Variants in SMYD3 observed in about 807,000 individuals in gnomAD.
SMYD3 encodes the protein histone-lysine N-methyltransferase SMYD3.
In SMYD3, 36 loss-of-function variants were observed where a neutral mutation model predicts 57.7. The ratio of observed to expected loss-of-function variants is 0.62; its 90% confidence interval spans 0.48 to 0.82. The LOEUF (loss-of-function observed/expected upper bound fraction) is 0.82, where lower values mean the gene tolerates loss of function less well. SMYD3 is among the 40% of genes least tolerant of loss of function. SMYD3 has a pLI of 0.00. For missense variants in SMYD3, 515 were observed against 538.8 expected (o/e 0.96, Z 0.44); for synonymous variants, 211 against 195.0 (o/e 1.08, Z -0.68).
chr1:246,241,555 T>G (rs1378337933), intron 5 of SMYD3, among the ~76,000 whole-genome samples: 1 of 152,174 alleles, frequency 6.6e-6, no homozygotes, highest in Non-Finnish European at 1.5e-5. Flanking sequence ...AAAATTATCT[T>G]TTTTTTGTTG....
In SMYD3 at chr1:245,955,917, T is replaced by C. The variant is rs759604088; in HGVS notation, c.532-25980A>G. 5.0e-5 allele frequency: 49 copies of C among 979,592 alleles called. No individual in the cohort carries two copies. The South Asian group carries it at 1.7e-3, about 34-fold the overall frequency. 60.7% of individuals were successfully genotyped at this position (979,592 alleles called of 1,614,324 possible). A position where few individuals can be genotyped will look rare whatever the true frequency, so the allele number is the denominator to read the frequency against. ...GCTCAACATTATATCCTAAGATTCA[T>C]TTATGTTGATGCATGTTGCTATAGT... On this transcript the variant is annotated intron_variant, in intron 5 of 11. Coordinates refer to ENST00000490107, the MANE Select transcript of SMYD3 (RefSeq NM_001167740.2).
Position 246,020,367 on chromosome 1 carries a change from T to G in SMYD3, c.532-90430A>C, listed in dbSNP as rs144578206. Among the ~76,000 whole-genome samples the G allele has an allele frequency of 5.2e-3, 794 of 152,350 alleles. 3 individuals carry two copies. The highest frequency in any genetic ancestry group is 8.2e-3 in the African/African-American group (343 of 41,580). ...GCTTCTTGTGGTCTTGATTTCCTAA[T>G]GAGCTATGGGAAATTACATAATGAA... On this transcript the variant is annotated intron_variant, in intron 5 of 11. Coordinates refer to ENST00000490107, the MANE Select transcript of SMYD3 (RefSeq NM_001167740.2).
chr1:246,363,517 T>C (rs1418382543), intron 1 of SMYD3, among the ~76,000 whole-genome samples: 1 of 152,190 alleles, frequency 6.6e-6, no homozygotes, highest in Non-Finnish European at 1.5e-5. Context: ...AATCGGATGG[T>C]TGCCGTGTCT....
chr1:245,783,034 A>C (rs1480910770), intron 10 of SMYD3, among the ~76,000 whole-genome samples: 2 of 152,234 alleles, frequency 1.3e-5, no homozygotes, highest in Admixed American at 1.3e-4. Flanking sequence ...AGACATACGC[A>C]GTCATTTTGG....
In SMYD3 at chr1:246,362,651, C is replaced by T. The variant is rs546694058; in HGVS notation, c.165-7557G>A. ...GGTTTTCGTATTTTTTTGGTGGAGA[C>T]GGGGTTTCGCTGTGTTGGCCGGGCT... On this transcript the variant is annotated intron_variant, in intron 1 of 11. Transcript: ENST00000490107. Among the ~76,000 whole-genome samples, 395 of 152,358 alleles carry T rather than the reference C, an allele frequency of 2.6e-3. 1 individual carries two copies. Among genetic ancestry groups the T allele is most frequent in the Admixed American group, 5.0e-3 (76 of 15,306 alleles).
chr1:246,172,631 T>G (rs984983256), intron 5 of SMYD3, among the ~76,000 whole-genome samples: 41 of 147,112 alleles, frequency 2.8e-4, no homozygotes, highest in African/African-American at 9.4e-4. Flanking sequence ...TACACAGGCC[T>G]AGAACACTCA....
chr1:246,054,719 T>A (rs945969487), intron 5 of SMYD3, among the ~76,000 whole-genome samples: 1 of 151,086 alleles, frequency 6.6e-6, no homozygotes, highest in Non-Finnish European at 1.5e-5. Flanking sequence ...TGGGGGTGGG[T>A]GAGGGATAGA....
intron 1 of SMYD3, among the ~76,000 whole-genome samples, chr1:246,444,292 A>AT (rs1227459182): frequency 6.6e-6 from 1 of 151,882 alleles, no homozygotes; most frequent in Non-Finnish European, 1.5e-5. Context: ...CGCCTGGCTA[A>AT]TTTTTGTATT....
chr1:245,876,457 A>G (rs966461901), intron 8 of SMYD3, among the ~76,000 whole-genome samples: 75 of 152,090 alleles, frequency 4.9e-4, no homozygotes, highest in Admixed American at 1.6e-3. Context: ...ATTGCTCCGA[A>G]TCTCTGCGAT....
At chr1:245,947,150 A>G (rs920974130) in intron 5 of SMYD3, among the ~76,000 whole-genome samples, 2 of 152,180 alleles carry the variant, frequency 1.3e-5, no homozygotes. Context: ...TGGCCTTTGA[A>G]TTTTCCACTC....
At chr1:246,255,932 A>ACG (rs1558353877) in intron 5 of SMYD3, among the ~76,000 whole-genome samples, 1 of 37,548 alleles carries the variant, frequency 2.7e-5, no homozygotes, top group East Asian at 2.0e-3. Flanking sequence ...CTAATAAGAT[A>ACG]GATAGATAGA....
chr1:245,797,670 A>T (rs922172484), intron 10 of SMYD3, among the ~76,000 whole-genome samples: 4 of 152,006 alleles, frequency 2.6e-5, no homozygotes, highest in African/African-American at 9.7e-5. Context: ...AACTTAAAGT[A>T]TAATTATATA....
chr1:245,949,669 C>T (rs112939056), intron 5 of SMYD3, among the ~76,000 whole-genome samples: 2,204 of 152,094 alleles, frequency 0.014, 56 homozygotes, highest in African/African-American at 0.051. Flanking sequence ...ATTAGCCAGG[C>T]GTGGTGGCAC....
intron 5 of SMYD3, among the ~76,000 whole-genome samples, chr1:246,256,253 G>A (rs2063892018): frequency 6.6e-6 from 1 of 152,070 alleles, no homozygotes; most frequent in African/African-American, 2.4e-5. Flanking sequence ...TATATTCCCT[G>A]AGAGCTGATT....
At chr1:245,884,933 C>T (rs11586340) in intron 8 of SMYD3, among the ~76,000 whole-genome samples, 60,718 of 151,722 alleles carry the variant, frequency 0.4, 15,368 homozygotes, top group East Asian at 0.76. Context: ...TCCCCTTCCA[C>T]GCTGTGGAAG....
chr1:246,227,402 T>G (rs576586977), intron 5 of SMYD3, among the ~76,000 whole-genome samples: 4 of 151,968 alleles, frequency 2.6e-5, no homozygotes, highest in Non-Finnish European at 5.9e-5. Context: ...AATCAAGAGG[T>G]CAAGAGATCG....
intron 1 of SMYD3, among the ~76,000 whole-genome samples, chr1:246,365,166 A>C (rs2066076865): frequency 6.6e-6 from 1 of 152,144 alleles, no homozygotes; most frequent in South Asian, 2.1e-4. Context: ...CATATACAAT[A>C]AGTTAAAGCA....
chr1:245,822,740 G>A (rs78939698), intron 10 of SMYD3, among the ~76,000 whole-genome samples: 2,506 of 152,208 alleles, frequency 0.016, 42 homozygotes, highest in East Asian at 0.079. Context: ...AGTGACTCTA[G>A]TGGGGCCCTT....
chr1:246,249,614 T>C (rs2063769513), intron 5 of SMYD3, among the ~76,000 whole-genome samples: 1 of 152,130 alleles, frequency 6.6e-6, no homozygotes, highest in Admixed American at 6.6e-5. Context: ...ATTAAGGTTA[T>C]ATTTGATCAT....
Sources: gnomAD v4.1 joint callset for allele counts (sites outside exome capture counted in the v4.1 genomes callset) on GRCh38, gnomAD v4.1.1 for gene constraint, MANE v1.5 for transcripts, NCBI Gene and HGNC (gene_info 2026-07-23, HGNC 2026-07-21) for gene names.